The following ZBTB20 variants were observed in gnomAD, a reference collection of about 807,000 sequenced individuals.
ZBTB20 encodes zinc finger and BTB domain-containing protein 20.
In ZBTB20, 9 loss-of-function variants were observed where a neutral mutation model predicts 56.9. That is an observed-to-expected ratio of 0.16 (90% CI 0.10 to 0.28). The LOEUF (loss-of-function observed/expected upper bound fraction) is 0.28. Among genes scored for constraint, ZBTB20 ranks in the 10% least tolerant of loss-of-function variants. The pLI, the probability that ZBTB20 is intolerant of heterozygous loss-of-function variation, is 1.00. For synonymous variants in ZBTB20, 417 were observed against 420.7 expected, an observed-to-expected ratio of 0.99 and a Z score of 0.11; for missense variants, 655 against 1,003.0, an observed-to-expected ratio of 0.65 and a Z score of 4.69.
chr3:115,140,732 C>G (rs572193450), intron 1 of ZBTB20, among the ~76,000 whole-genome samples: 27 of 151,958 alleles, frequency 1.8e-4, no homozygotes, highest in Non-Finnish European at 3.8e-4. Context: ...TTACTAATGA[C>G]AGTAAGAAAA....
chr3:114,473,366 G>T (rs1246505282), intron 7 of ZBTB20, among the ~76,000 whole-genome samples: 2 of 152,232 alleles, frequency 1.3e-5, no homozygotes, highest in African/African-American at 4.8e-5. Context: ...GAATTTGAAA[G>T]TAAGTTTGCA....
intron 5 of ZBTB20, among the ~76,000 whole-genome samples, chr3:114,718,089 G>C (rs2064632546): frequency 6.6e-6 from 1 of 152,208 alleles, no homozygotes; most frequent in Non-Finnish European, 1.5e-5. Context: ...AAAAAGAGTA[G>C]AAAATCTTAT....
chr3:114,807,997 GTACAAATAATTGAAAGATGACCTTTC>G (rs1258419735), intron 4 of ZBTB20, among the ~76,000 whole-genome samples: 1 of 151,982 alleles, frequency 6.6e-6, no homozygotes, highest in African/African-American at 2.4e-5. Context: ...GTGTAATATT[GTACAAATAATTGAAAGATGACCTTTC>G]TTGCTCTATT....
At chr3:114,708,273 G>T (rs890615405) in intron 5 of ZBTB20, among the ~76,000 whole-genome samples, 2 of 152,140 alleles carry the variant, frequency 1.3e-5, no homozygotes, top group African/African-American at 4.8e-5. Flanking sequence ...TGGTGGACCA[G>T]AAAGGACTCA....
At chr3:114,893,826 T>C (rs1162605737) in intron 4 of ZBTB20, among the ~76,000 whole-genome samples, 1 of 152,098 alleles carries the variant, frequency 6.6e-6, no homozygotes, top group Admixed American at 6.6e-5. Flanking sequence ...TCCATACAAA[T>C]GGGGGCCAGA....
chr3:114,925,768 T>C (rs756387616), intron 3 of ZBTB20, among the ~76,000 whole-genome samples: 8 of 152,018 alleles, frequency 5.3e-5, no homozygotes, highest in South Asian at 4.2e-4. Flanking sequence ...CCTCGTGATC[T>C]GCCCACCTTG....
chr3:114,860,164 G>A (rs975351628), intron 4 of ZBTB20, among the ~76,000 whole-genome samples: 1 of 151,934 alleles, frequency 6.6e-6, no homozygotes. Context: ...AAAATTAGCC[G>A]GGCTTGTTGG....
Position 114,526,453 on chromosome 3 carries a change from G to A in ZBTB20, c.-294-26062C>T, listed in dbSNP as rs373450574. On this transcript the variant is annotated intron_variant, in intron 6 of 11. Transcript: ENST00000675478. ...AGTTGTATTTTGAGGTCTTTTGGAC[G>A]GGGAACTGTCTGGCATAGTTCACAA... 3.9e-4 allele frequency among the ~76,000 whole-genome samples: 60 copies of A among 152,080 alleles called. 1 individual carries two copies. The highest frequency in any genetic ancestry group is 8.2e-4 in the African/African-American group (34 of 41,504).
In ZBTB20 at chr3:114,790,145, G is replaced by A. The variant is rs532398149; in HGVS notation, c.-343+10956C>T. On this transcript the variant is annotated intron_variant, in intron 5 of 11. Coordinates refer to ENST00000675478, the MANE Select transcript of ZBTB20 (RefSeq NM_001348800.3). Reference sequence around the variant, plus strand: ...GTGCTGCAGAAGTTGCAATACAAATGAAACTAAAACTTCTGTGTGCTGATT... The same window carrying A: ...GTGCTGCAGAAGTTGCAATACAAATAAAACTAAAACTTCTGTGTGCTGATT... Among the ~76,000 whole-genome samples the A allele has an allele frequency of 4.0e-3, 615 of 152,210 alleles. 5 individuals carry two copies. Among genetic ancestry groups the A allele is most frequent in the Non-Finnish European group, 6.1e-3 (414 of 67,982 alleles).
chr3:114,410,192 G>T (rs946038699), intron 7 of ZBTB20, among the ~76,000 whole-genome samples: 2 of 151,940 alleles, frequency 1.3e-5, no homozygotes, highest in African/African-American at 4.8e-5. Flanking sequence ...GAGAATCAGC[G>T]AACTCCATGT....
intron 6 of ZBTB20, among the ~76,000 whole-genome samples, chr3:114,596,054 A>C (rs2107597299): frequency 6.6e-6 from 1 of 152,308 alleles, no homozygotes; most frequent in East Asian, 1.9e-4. Context: ...GAACAACCTT[A>C]TCTCTCCAAC....
Position 114,809,889 on chromosome 3 carries a change from C to A in ZBTB20, c.-416-8715G>T, listed in dbSNP as rs6771867. 6.5e-3 allele frequency among the ~76,000 whole-genome samples: 986 copies of A among 152,286 alleles called. 13 individuals are homozygous for A. The highest frequency in any genetic ancestry group is 0.021 in the African/African-American group (870 of 41,550). On this transcript the variant is annotated intron_variant, in intron 4 of 11. Transcript: ENST00000675478. ...GTTTGTTTATTTAGGACTTGCCTAA[C>A]ATAACTCTGTGCAGCCTCTCTTCCC...
intron 3 of ZBTB20, among the ~76,000 whole-genome samples, chr3:114,928,582 A>T (rs528327021): frequency 4.6e-5 from 7 of 152,360 alleles, no homozygotes; most frequent in Admixed American, 2.0e-4. Context: ...CTTTCACGCA[A>T]GTGCAAAAAA....
intron 1 of ZBTB20, among the ~76,000 whole-genome samples, chr3:115,110,053 T>C (rs2083831078): frequency 6.6e-6 from 1 of 151,788 alleles, no homozygotes; most frequent in African/African-American, 2.4e-5. Context: ...CTACTAAAAA[T>C]ACAAAAAAAT....
chr3:114,506,344 C>T lies in ZBTB20; in HGVS notation c.-294-5953G>A, dbSNP rs563004161. ...GCAATTAGGTCTGGGACTGCTTCTG[C>T]GCCTGAGACATTGCCAAGATACAAT... On this transcript the variant is annotated intron_variant, in intron 6 of 11. Transcript: ENST00000675478. 5.9e-5 allele frequency among the ~76,000 whole-genome samples: 9 copies of T among 152,174 alleles called. No individual in the cohort carries two copies. In the South Asian group the frequency reaches 8.3e-4, roughly 14 times the overall value.
intron 7 of ZBTB20, among the ~76,000 whole-genome samples, chr3:114,482,237 A>T (rs1383631252): frequency 6.6e-6 from 1 of 152,196 alleles, no homozygotes; most frequent in Non-Finnish European, 1.5e-5. Flanking sequence ...TCAGGGATCT[A>T]CATGGACAGG....
intron 4 of ZBTB20, among the ~76,000 whole-genome samples, chr3:114,832,275 C>T (rs2073889579): frequency 6.6e-6 from 1 of 152,042 alleles, no homozygotes; most frequent in African/African-American, 2.4e-5. Flanking sequence ...GTTGATACAA[C>T]AGTCATTTTT....
Position 114,380,243 on chromosome 3 carries a change from G to C in ZBTB20, c.173C>G (p.Ser58Cys), listed in dbSNP as rs1011380200. 1 of 1,537,064 alleles carries C rather than the reference G, an allele frequency of 6.5e-7. No homozygotes were observed. The highest frequency in any genetic ancestry group is 8.7e-7 in the Non-Finnish European group (1 of 1,146,810). ...ATCAGATGACCCGGTGTGAGCGTGA[G>C]AGTTTGTCAGTGAATGTGTTGAGTG... ...LIHSTHSLTN[S>C]HAHTGSSDCD... The change falls in exon 10 of 12, where the codon TCT becomes TGT. Residue 58 changes from serine (S) to cysteine (C), a missense_variant. By Grantham distance (112) the Ser-to-Cys change is moderately radical (BLOSUM62 -1). Transcript: ENST00000675478.
chr3:115,138,295 G>C (rs189107125), intron 1 of ZBTB20, among the ~76,000 whole-genome samples: 1 of 152,046 alleles, frequency 6.6e-6, no homozygotes, highest in African/African-American at 2.4e-5. Flanking sequence ...GTTGCAAATA[G>C]AACTAAATCA....
Sources: allele counts gnomAD v4.1 joint callset (sites outside exome capture counted in the v4.1 genomes callset), GRCh38; gene constraint gnomAD v4.1.1; transcripts MANE v1.5; gene names NCBI Gene and HGNC (gene_info 2026-07-23, HGNC 2026-07-21).